EIF4G1: variants seen among roughly 807,000 people sequenced by gnomAD.
EIF4G1 encodes the protein eukaryotic translation initiation factor 4 gamma 1, also known as EIF4-gamma.
A neutral mutation model predicts 187.8 loss-of-function variants in EIF4G1; 4 were observed. That is an observed-to-expected ratio of 0.02 (90% CI 0.01 to 0.05). The LOEUF is 0.05. Ranked by LOEUF, EIF4G1 falls within the 10% of genes least tolerant of loss-of-function variation. The probability of loss-of-function intolerance (pLI) is 1.00; values close to 1 mark genes in which losing one functional copy is unlikely to be tolerated. For missense variants in EIF4G1, 1,647 were observed against 2,081.1 expected (o/e 0.79, Z 4.06); for synonymous variants, 844 against 781.4 (o/e 1.08, Z -1.34).
chr3:184,320,171 C>A, intron 7 of EIF4G1: 2 of 897,962 alleles, frequency 2.2e-6, no homozygotes, highest in Non-Finnish European at 3.0e-6. Context: ...TCCGCCTCTG[C>A]TCAGTCCTCA....
chr3:184,316,862 G>A, intron 4 of EIF4G1: 1 of 984,136 alleles, frequency 1.0e-6, no homozygotes, highest in Non-Finnish European at 1.6e-6. Flanking sequence ...GTTCTCAGTT[G>A]GAGGCCGAGT....
At chr3:184,332,353 G>GCGTGTC in intron 32 of EIF4G1, among the ~76,000 whole-genome samples, 1 of 152,336 alleles carries the variant, frequency 6.6e-6, no homozygotes, top group East Asian at 1.9e-4. Context: ...TAAATGATAG[G>GCGTGTC]ATCTTCCCAG....
Position 184,331,932 on chromosome 3 carries a change from C to G in EIF4G1, c.4478-14C>G, listed in dbSNP as rs1210297239. On this transcript the variant is annotated splice_polypyrimidine_tract_variant and intron_variant, in intron 31 of 32. Coordinates refer to ENST00000346169, the MANE Select transcript of EIF4G1 (RefSeq NM_198241.3). ...TAAGGGTATATTGCTCCACTCATCCCTGTCTTCTTGTAGTTGAGACTCCCC... is the reference window on the plus strand; with the variant it reads ...TAAGGGTATATTGCTCCACTCATCCGTGTCTTCTTGTAGTTGAGACTCCCC... 4 of 1,614,046 alleles carry G rather than the reference C, an allele frequency of 2.5e-6. No homozygotes were observed. The highest frequency in any genetic ancestry group is 2.5e-6 in the Non-Finnish European group (3 of 1,180,008).
chr3:184,331,193 T>TTAATG (rs1726030310), intron 28 of EIF4G1, 73 bp from the exon 29 acceptor site: 2 of 1,489,764 alleles, frequency 1.3e-6, no homozygotes, highest in Non-Finnish European at 1.9e-6. Flanking sequence ...ATTTGTTGGA[T>TTAATG]TAATGTGGTA....
At chr3:184,327,154 G>T in intron 23 of EIF4G1, 62 bp from the exon 24 acceptor site, 1 of 1,598,714 alleles carries the variant, frequency 6.3e-7, no homozygotes, top group Admixed American at 1.7e-5. Flanking sequence ...TCAGCATGTT[G>T]TGTAATTACA....
rs752940062 is a variant in EIF4G1, at chr3:184,320,692, C to T, written c.600C>T (p.Ala200=). The T allele has an allele frequency of 6.2e-7, 1 of 1,614,050 alleles. No individual in the cohort carries two copies. The highest frequency in any genetic ancestry group is 1.3e-5 in the African/African-American group (1 of 74,910). ...KDITEEIMSG[A]RTASTPTPPQ... ...TCACAGAGGAGATCATGTCTGGGGCCCGCACTGCCTCCACACCCACCCCTC... is the reference window on the plus strand; with the variant it reads ...TCACAGAGGAGATCATGTCTGGGGCTCGCACTGCCTCCACACCCACCCCTC... Residue 200 remains alanine (A), a synonymous_variant, in exon 8 of 33, where the codon GCC becomes GCT. Coordinates refer to ENST00000346169, the MANE Select transcript of EIF4G1 (RefSeq NM_198241.3).
Position 184,335,189 on chromosome 3 carries a change from G to A in EIF4G1, c.*281G>A, listed in dbSNP as rs1726887233. 9 of 432,892 alleles carry A rather than the reference G, an allele frequency of 2.1e-5. No homozygotes were observed. Among genetic ancestry groups the A allele is most frequent in the South Asian group, 1.7e-4 (6 of 35,336 alleles). The allele number at this position is 432,892 out of a possible 1,614,324, so 26.8% of individuals were successfully genotyped here. A position where few individuals can be genotyped will look rare whatever the true frequency, so the allele number is the denominator to read the frequency against. On this transcript the variant is annotated 3_prime_UTR_variant, in exon 33 of 33. Transcript: ENST00000346169. Reference sequence around the variant, plus strand: ...TCTTGGGGTGGGGAGGGGCACCAACGCCTGCCCCTGGGGTCCTTTTTTTTA... The same window carrying A: ...TCTTGGGGTGGGGAGGGGCACCAACACCTGCCCCTGGGGTCCTTTTTTTTA...
At position 184,326,551 on chromosome 3, in the gene EIF4G1, C is replaced by G. The variant is rs1724957120; in HGVS notation, c.3247C>G (p.Gln1083Glu). 1 of 1,613,728 alleles carries G rather than the reference C, an allele frequency of 6.2e-7. No individual in the cohort carries two copies. Among genetic ancestry groups the G allele is most frequent in the African/African-American group, 1.3e-5 (1 of 74,936 alleles). The change falls in exon 22 of 33, where the codon CAG becomes GAG. Residue 1083 changes from glutamine (Q) to glutamate (E), a missense_variant. Transcript: ENST00000346169. Reference protein sequence around the residue: ...TKPGSIDSNNQLFAPGGRLSW... With the variant: ...TKPGSIDSNNELFAPGGRLSW... ...GCCTGGCTCCATCGATTCTAACAACCAGCTCTTTGCACCTGGAGGGCGACT... is the reference window on the plus strand; with the variant it reads ...GCCTGGCTCCATCGATTCTAACAACGAGCTCTTTGCACCTGGAGGGCGACT...
At chr3:184,321,204 C>T in intron 9 of EIF4G1, 78 bp from the exon 10 acceptor site, 1 of 1,590,202 alleles carries the variant, frequency 6.3e-7, no homozygotes, top group Non-Finnish European at 8.6e-7. Context: ...TTGGGAATGC[C>T]TGGGCTGGAG....
chr3:184,331,143 C>T, intron 28 of EIF4G1, 123 bp from the exon 29 acceptor site: 1 of 1,041,584 alleles, frequency 9.6e-7, no homozygotes, highest in Non-Finnish European at 1.5e-6. Flanking sequence ...TCTATAGCAT[C>T]CTTAATGCCT....
chr3:184,323,358 T>G lies in EIF4G1; in HGVS notation c.2089-50T>G, dbSNP rs764838593. ...GGCGTGTAGTAGTGGTGTCACATAT[T>G]GTGCTGACTAGTTCCATGTCCCCTC... On this transcript the variant is annotated intron_variant, in intron 14 of 32. Coordinates refer to ENST00000346169, the MANE Select transcript of EIF4G1 (RefSeq NM_198241.3). This position sits in a 1 kb window ranked among gnomAD's most constrained non-coding sequence, Gnocchi z 6.9. The G allele has an allele frequency of 6.8e-6, 11 of 1,612,954 alleles. No homozygotes were observed. The Admixed American group carries it at 1.5e-4, about 22-fold the overall frequency.
At chr3:184,326,211 T>A (rs1724870709) in intron 21 of EIF4G1, among the ~76,000 whole-genome samples, 1 of 151,662 alleles carries the variant, frequency 6.6e-6, no homozygotes, top group Admixed American at 6.6e-5. Context: ...GACCCAGTAG[T>A]GGTTTTTACA....
chr3:184,317,433 T>A lies in EIF4G1; in HGVS notation c.260T>A (p.Val87Glu), dbSNP rs1237501488. 1 of 1,613,932 alleles carries A rather than the reference T, an allele frequency of 6.2e-7. No individual in the cohort carries two copies. Among genetic ancestry groups the A allele is most frequent in the African/African-American group, 1.3e-5 (1 of 74,884 alleles). ...CATGTCTACCCTGCTGGATCCCAAG[T>A]AATGATGATCCCTTCCCAGATCTCC... ...AAHVYPAGSQ[V>E]MMIPSQISYP... The change falls in exon 5 of 33, where the codon GTA becomes GAA. Residue 87 changes from valine (V) to glutamate (E), a missense_variant. By Grantham distance (121) the Val-to-Glu change is moderately radical. Transcript: ENST00000346169.
At chr3:184,322,200 C>T in intron 10 of EIF4G1, 97 bp downstream of exon 10, 2 of 1,587,496 alleles carry the variant, frequency 1.3e-6, no homozygotes, top group Admixed American at 1.7e-5. Flanking sequence ...TTCTGGGTCC[C>T]TGCAATGGAA....
chr3:184,316,018 G>A lies in EIF4G1; in HGVS notation c.61-114G>A, dbSNP rs1012190505. The A allele has an allele frequency of 7.0e-5, 109 of 1,546,148 alleles. 1 individual carries two copies. Among genetic ancestry groups the A allele is most frequent in the Middle Eastern group, 3.4e-4 (2 of 5,950 alleles). Reference sequence around the variant, plus strand: ...TCCCCGGGGGCTGTCACGGGGAGGGGGTATGTGGATTGTTAAGGCTCTTGC... The same window carrying A: ...TCCCCGGGGGCTGTCACGGGGAGGGAGTATGTGGATTGTTAAGGCTCTTGC... On this transcript the variant is annotated intron_variant, in intron 3 of 32. Coordinates refer to ENST00000346169, the MANE Select transcript of EIF4G1 (RefSeq NM_198241.3).
chr3:184,335,181 G>T lies in EIF4G1; in HGVS notation c.*273G>T. 2.2e-6 allele frequency: 1 copy of T among 452,690 alleles called. No homozygotes were observed. The highest frequency in any genetic ancestry group is 4.0e-6 in the Non-Finnish European group (1 of 249,216). The allele number at this position is 452,690 out of a possible 1,614,324, so 28.0% of individuals were successfully genotyped here. ...TTGGTGTGTCTTGGGGTGGGGAGGG[G>T]CACCAACGCCTGCCCCTGGGGTCCT... On this transcript the variant is annotated 3_prime_UTR_variant, in exon 33 of 33. Transcript: ENST00000346169.
intron 17 of EIF4G1, 125 bp from the exon 18 acceptor site, chr3:184,324,753 C>CT (rs1157237029): frequency 3.8e-6 from 4 of 1,065,638 alleles, no homozygotes; most frequent in Non-Finnish European, 5.7e-6. Flanking sequence ...GCATGAGCCA[C>CT]TATGCCCAGC....
rs764411662 is a variant in EIF4G1 at position 184,331,946 on chromosome 3, T to C, written c.4478T>C (p.Phe1493Ser). The change falls in exon 32 of 33, where the codon TTT (phenylalanine) becomes TCT (serine). Residue 1493 changes from phenylalanine to serine, a missense_variant and splice_region_variant. Physicochemically the swap from Phe to Ser is radical, Grantham distance 155. Around this residue, in one of 11 missense-constraint regions of EIF4G1, gnomAD observed 543 missense variants for 638.0 expected, o/e 0.85. Coordinates refer to ENST00000346169, the MANE Select transcript of EIF4G1 (RefSeq NM_198241.3). ...MTAVCYSAII[F>S]ETPLRVDVAV... ...TCCACTCATCCCTGTCTTCTTGTAG[T>C]TGAGACTCCCCTCCGAGTGGACGTT... The C allele has an allele frequency of 3.1e-6, 5 of 1,613,802 alleles. No homozygotes were observed. Among genetic ancestry groups the C allele is most frequent in the Non-Finnish European group, 8.5e-7 (1 of 1,179,930 alleles).
chr3:184,317,347 C>A lies in EIF4G1; in HGVS notation c.174C>A (p.Pro58=), dbSNP rs1459724392. The A allele has an allele frequency of 6.2e-7, 1 of 1,613,980 alleles. No homozygotes were observed. Among genetic ancestry groups the A allele is most frequent in the South Asian group, 1.1e-5 (1 of 91,090 alleles). Residue 58 remains proline, a synonymous_variant, in exon 5 of 33, where the codon CCC becomes CCA. Transcript: ENST00000346169. ...RQHFYPSRAQ[P]PSSAASRVQS... ...ACTTCTACCCTAGCCGGGCCCAGCC[C>A]CCGAGCAGTGCAGCCTCCCGAGTGC... is the stretch of plus-strand genomic sequence containing the variant.
Sources: allele counts gnomAD v4.1 joint callset (sites outside exome capture counted in the v4.1 genomes callset), GRCh38; gene constraint gnomAD v4.1.1; regional missense constraint gnomAD v4.1.1; non-coding constraint Gnocchi (gnomAD v3.1); transcripts MANE v1.5; gene names NCBI Gene and HGNC (gene_info 2026-07-23, HGNC 2026-07-21).